KDM6A: variants seen among roughly 807,000 people sequenced by gnomAD.
KDM6A encodes the protein lysine demethylase 6A, also known as lysine-specific demethylase 6A.
In KDM6A, 11 loss-of-function variants were observed where a neutral mutation model predicts 117.6. That is an observed-to-expected ratio of 0.09 (90% CI 0.06 to 0.15). The LOEUF (loss-of-function observed/expected upper bound fraction) is 0.15, where lower values mean the gene tolerates loss of function less well. KDM6A is among the 10% of genes least tolerant of loss of function. The pLI is 1.00. For missense variants in KDM6A, 799 were observed against 1,077.3 expected, an observed-to-expected ratio of 0.74 and a Z score of 3.62; for synonymous variants, 384 against 396.1, an observed-to-expected ratio of 0.97 and a Z score of 0.36.
intron 21 of KDM6A, among the ~76,000 whole-genome samples, chrX:45,080,611 C>G (rs1351225071): frequency 2.7e-5 from 3 of 111,901 alleles, no homozygotes; most frequent in Non-Finnish European, 5.6e-5. Flanking sequence ...TATTTTCAAT[C>G]AAGATAGCAT....
At chrX:44,903,862 T>A (rs1020216618) in intron 2 of KDM6A, among the ~76,000 whole-genome samples, 1 of 112,305 alleles carries the variant, frequency 8.9e-6, no homozygotes, top group African/African-American at 3.2e-5. Context: ...ATATTTTACT[T>A]TATGTAAAAG....
At position 44,998,532 on chromosome X, in the gene KDM6A, A is replaced by G. The variant is rs753293321; in HGVS notation, c.385-12429A>G. Among the ~76,000 whole-genome samples the G allele has an allele frequency of 9.0e-5, 10 of 111,731 alleles. No homozygotes were observed. In the South Asian group the frequency reaches 2.6e-3, roughly 29 times the overall value. ...TCATACCTTTATAACCTTCATTTCTATACCCACCTTCCCCCTTTTTTTATT... is the reference window on the plus strand; with the variant it reads ...TCATACCTTTATAACCTTCATTTCTGTACCCACCTTCCCCCTTTTTTTATT... On this transcript the variant is annotated intron_variant, in intron 4 of 29. Coordinates refer to ENST00000611820, the MANE Select transcript of KDM6A (RefSeq NM_001291415.2).
At chrX:45,014,240 T>C (rs547031137) in intron 5 of KDM6A, among the ~76,000 whole-genome samples, 1 of 112,353 alleles carries the variant, frequency 8.9e-6, no homozygotes, top group African/African-American at 3.2e-5. Context: ...GTTATAGTGT[T>C]ACTCTTAACC....
In KDM6A at chrX:45,096,613, T is replaced by C. The variant is rs143346021; in HGVS notation, c.4034+5749T>C. On this transcript the variant is annotated intron_variant, in intron 27 of 29. Coordinates refer to ENST00000611820, the MANE Select transcript of KDM6A (RefSeq NM_001291415.2). ...CTTATTGTAAACCCTTTAGACTAAA[T>C]GTGTTTTGGAGCTAAGAATTTTTAG... 9.3e-3 allele frequency among the ~76,000 whole-genome samples: 1,046 copies of C among 112,030 alleles called. 16 individuals are homozygous for C. The highest frequency in any genetic ancestry group is 0.033 in the African/African-American group (1,004 of 30,874).
intron 2 of KDM6A, among the ~76,000 whole-genome samples, chrX:44,909,285 A>G (rs975055866): frequency 8.9e-6 from 1 of 112,062 alleles, no homozygotes; most frequent in Non-Finnish European, 1.9e-5. Context: ...CAAAAACAGA[A>G]ACATCATTTG....
chrX:44,967,706 T>A (rs139545904), intron 3 of KDM6A, among the ~76,000 whole-genome samples: 7,744 of 112,192 alleles, frequency 0.069, 266 homozygotes, highest in Non-Finnish European at 0.11. Context: ...AATTGTCATT[T>A]TGCTCTCATC....
intron 8 of KDM6A, among the ~76,000 whole-genome samples, chrX:45,044,785 C>G (rs1045109773): frequency 9.0e-6 from 1 of 111,509 alleles, no homozygotes; most frequent in Non-Finnish European, 1.9e-5. Flanking sequence ...TTTAACTACT[C>G]CCCTTTGAGG....
intron 2 of KDM6A, among the ~76,000 whole-genome samples, chrX:44,910,020 A>G (rs1456168601): frequency 8.9e-6 from 1 of 111,974 alleles, no homozygotes; most frequent in Non-Finnish European, 1.9e-5. Flanking sequence ...AACTGAAGAA[A>G]TGGTTCAGTT....
At chrX:45,022,168 G>A (rs902070249) in intron 6 of KDM6A, among the ~76,000 whole-genome samples, 2 of 112,202 alleles carry the variant, frequency 1.8e-5, no homozygotes, top group Non-Finnish European at 3.8e-5. Context: ...TATCAGTACA[G>A]TGATACCTTA....
At chrX:45,057,723 C>A (rs1229556537) in intron 10 of KDM6A, among the ~76,000 whole-genome samples, 2 of 111,029 alleles carry the variant, frequency 1.8e-5, no homozygotes, top group Non-Finnish European at 3.8e-5. Context: ...TCATGCTGTT[C>A]AAACCCATTT....
At chrX:45,012,278 G>A (rs2041801336) in intron 5 of KDM6A, among the ~76,000 whole-genome samples, 1 of 94,770 alleles carries the variant, frequency 1.1e-5, no homozygotes, top group Non-Finnish European at 2.0e-5. Context: ...TTGGCTCACT[G>A]CAACCTCCGC....
At chrX:45,078,189 CATG>C (rs2045223488) in intron 19 of KDM6A, among the ~76,000 whole-genome samples, 2 of 111,730 alleles carry the variant, frequency 1.8e-5, no homozygotes, top group African/African-American at 6.5e-5. Flanking sequence ...ATATTTTTGT[CATG>C]ATAAAATGGA....
intron 2 of KDM6A, among the ~76,000 whole-genome samples, chrX:44,888,437 G>C (rs2033076117): frequency 8.9e-6 from 1 of 112,468 alleles, no homozygotes; most frequent in Non-Finnish European, 1.9e-5. Context: ...CAAAATGACT[G>C]TATAGCACCA....
chrX:45,040,668 G>A (rs1216155452), intron 8 of KDM6A, among the ~76,000 whole-genome samples: 1 of 82,648 alleles, frequency 1.2e-5, no homozygotes, highest in Non-Finnish European at 2.4e-5. Context: ...TGGCCGGGCG[G>A]GGGGCTGACC....
chrX:45,110,536 T>G (rs1042034568), intron 29 of KDM6A, among the ~76,000 whole-genome samples: 10 of 111,774 alleles, frequency 8.9e-5, no homozygotes, highest in African/African-American at 2.9e-4. Flanking sequence ...CACTATCATA[T>G]CCTTTATGTC....
At chrX:45,071,931 C>T (rs1158317034) in intron 18 of KDM6A, among the ~76,000 whole-genome samples, 2 of 110,886 alleles carry the variant, frequency 1.8e-5, no homozygotes, top group Admixed American at 9.6e-5. Context: ...TGCAGCACCA[C>T]ACCTGGCTAA....
At chrX:44,993,642 C>T (rs368487918) in intron 4 of KDM6A, among the ~76,000 whole-genome samples, 16 of 111,364 alleles carry the variant, frequency 1.4e-4, no homozygotes, top group Non-Finnish European at 2.1e-4. Context: ...GCTCTCCTCG[C>T]GGATCACGAG....
intron 2 of KDM6A, among the ~76,000 whole-genome samples, chrX:44,932,402 C>T (rs148519605): frequency 0.02 from 2,213 of 110,292 alleles, 25 homozygotes; most frequent in Non-Finnish European, 0.031. Context: ...TGAGCCACCA[C>T]GCCTGGCCAT....
intron 2 of KDM6A, among the ~76,000 whole-genome samples, chrX:44,934,989 G>A (rs935657422): frequency 1.8e-5 from 2 of 111,483 alleles, no homozygotes; most frequent in Admixed American, 9.6e-5. Flanking sequence ...GTTATATCAC[G>A]GAGGTCCTTG....
Sources: allele counts gnomAD v4.1 joint callset (sites outside exome capture counted in the v4.1 genomes callset), GRCh38; gene constraint gnomAD v4.1.1; transcripts MANE v1.5; gene names NCBI Gene and HGNC (gene_info 2026-07-23, HGNC 2026-07-21).